DYNLT1: variants seen among roughly 807,000 people sequenced by gnomAD.
The protein encoded by DYNLT1 is T-complex testis-specific protein 1 homolog.
A neutral mutation model predicts 19.6 loss-of-function variants in DYNLT1; 18 were observed. The observed-to-expected ratio is 0.92, with a 90% confidence interval of 0.64 to 1.36. The LOEUF (loss-of-function observed/expected upper bound fraction) is 1.36. DYNLT1 is among the 40% of genes most tolerant of loss of function. The pLI, the probability that DYNLT1 is intolerant of heterozygous loss-of-function variation, is 0.00. For missense variants in DYNLT1, 137 were observed against 139.3 expected (o/e 0.98, Z 0.08); for synonymous variants, 56 against 44.0 (o/e 1.27, Z -1.07).
chr6:158,638,555 G>GT (rs1416650047), intron 2 of DYNLT1, among the ~76,000 whole-genome samples: 6 of 151,846 alleles, frequency 4.0e-5, no homozygotes, highest in African/African-American at 1.2e-4. Flanking sequence ...TTCCCTCCTG[G>GT]GCTCAAGCAA....
rs74452777 is a variant in DYNLT1 at position 158,641,972 on chromosome 6, A to G, written c.28-612T>C. The G allele has an allele frequency of 2.0e-5, 3 of 152,366 alleles. No homozygotes were observed. In the East Asian group the frequency reaches 5.8e-4, roughly 29 times the overall value. 9.4% of individuals were successfully genotyped at this position (152,366 alleles called of 1,614,324 possible). ...GGCTGCTAGAATCATTAACCAATAG[A>G]GAGGCTTAATGAGTTGGTTGATTTT... On this transcript the variant is annotated intron_variant, in intron 1 of 4. Coordinates refer to ENST00000367089, the MANE Select transcript of DYNLT1 (RefSeq NM_006519.4).
At chr6:158,638,891 T>G in intron 2 of DYNLT1, among the ~76,000 whole-genome samples, 1 of 152,222 alleles carries the variant, frequency 6.6e-6, no homozygotes, top group East Asian at 1.9e-4. Flanking sequence ...TTTCTGAGTT[T>G]TTCATTGTCA....
At position 158,637,623 on chromosome 6, in the gene DYNLT1, CGCTAACGTATACT is replaced by C. The variant is rs533159087; in HGVS notation, c.193+135_193+147del. ...ACCAGCAGCCAAATGGTCAAGCGTA[CGCTAACGTATACT>C]ACACACACGACCGACTCCCACCAGG... On this transcript the variant is annotated intron_variant, in intron 3 of 4. Coordinates refer to ENST00000367089, the MANE Select transcript of DYNLT1 (RefSeq NM_006519.4). 120 of 1,238,762 alleles carry C rather than the reference CGCTAACGTATACT, an allele frequency of 9.7e-5. No individual in the cohort carries two copies. In the East Asian group the frequency reaches 1.7e-3, roughly 18 times the overall value. The allele number at this position is 1,238,762 out of a possible 1,614,324, so 76.7% of individuals were successfully genotyped here.
Position 158,644,725 on chromosome 6 carries a change from C to CT in DYNLT1, c.-18_-17insA. 15 of 1,610,764 alleles carry CT rather than the reference C, an allele frequency of 9.3e-6. No homozygotes were observed. The highest frequency in any genetic ancestry group is 1.3e-5 in the African/African-American group (1 of 75,030). On this transcript the variant is annotated 5_prime_UTR_variant, in exon 1 of 5. Transcript: ENST00000367089. ...GTCTTCCATCTTTCCTCCGGCGCGTCCCCTCCGGCTCCCTGAGTGGCGCGG... is the reference window on the plus strand; with the variant it reads ...GTCTTCCATCTTTCCTCCGGCGCGTCTCCCTCCGGCTCCCTGAGTGGCGCGG...
In DYNLT1 at chr6:158,637,757, CAA is replaced by C. The variant is rs1257606628; in HGVS notation, c.193+12_193+13del. 6 of 1,614,012 alleles carry C rather than the reference CAA, an allele frequency of 3.7e-6. No homozygotes were observed. The highest frequency in any genetic ancestry group is 5.1e-6 in the Non-Finnish European group (6 of 1,180,018). On this transcript the variant is annotated intron_variant, in intron 3 of 4. Transcript: ENST00000367089. The stretch of plus-strand genomic sequence containing the variant: ...AACCATCCCGCAAATATAAAAGAAA[CAA>C]GACTCCATTACCGATGTATTTAAAT...
chr6:158,640,566 C>A (rs1206767872), intron 2 of DYNLT1, among the ~76,000 whole-genome samples: 1 of 152,156 alleles, frequency 6.6e-6, no homozygotes, highest in Non-Finnish European at 1.5e-5. Context: ...ACTGCCCCCA[C>A]TTCCCAGTCT....
At chr6:158,641,445 A>T (rs1787132717) in intron 1 of DYNLT1, 85 bp from the exon 2 acceptor site, 1 of 1,222,460 alleles carries the variant, frequency 8.2e-7, no homozygotes, top group Non-Finnish European at 1.1e-6. Flanking sequence ...GGTAATGAAC[A>T]TAATGTAGAA....
chr6:158,641,515 G>A (rs1193687043), intron 1 of DYNLT1, 155 bp from the exon 2 acceptor site: 2 of 511,628 alleles, frequency 3.9e-6, no homozygotes, highest in Non-Finnish European at 6.7e-6. Flanking sequence ...TGGCATTACA[G>A]TCTTCAGAAA....
rs548180101 is a variant in DYNLT1 at position 158,636,774 on chromosome 6, G to A, written c.*53C>T. ...GAGTTCACTGAATTCATGGCTGGTG[G>A]TTAGAGGATGAACTAGAGACAAAAG... is the stretch of plus-strand genomic sequence containing the variant. On this transcript the variant is annotated 3_prime_UTR_variant, in exon 5 of 5. Coordinates refer to ENST00000367089, the MANE Select transcript of DYNLT1 (RefSeq NM_006519.4). 5 of 1,541,360 alleles carry A rather than the reference G, an allele frequency of 3.2e-6. No homozygotes were observed. In the Admixed American group the frequency reaches 7.4e-5, roughly 23 times the overall value.
At chr6:158,639,077 G>C (rs2128337256) in intron 2 of DYNLT1, among the ~76,000 whole-genome samples, 1 of 152,310 alleles carries the variant, frequency 6.6e-6, no homozygotes, top group Non-Finnish European at 1.5e-5. Context: ...GAGCAAACCA[G>C]CAGTCCAGGG....
chr6:158,637,718 G>T, intron 3 of DYNLT1, 53 bp downstream of exon 3: 2 of 1,613,708 alleles, frequency 1.2e-6, no homozygotes, highest in South Asian at 2.2e-5. Context: ...ATGCCCCTCT[G>T]ATCAGTGTTA....
In DYNLT1 at chr6:158,644,647, G is replaced by A. The variant is rs187480850; in HGVS notation, c.27+35C>T. 315 of 1,611,110 alleles carry A rather than the reference G, an allele frequency of 2.0e-4. No homozygotes were observed. In the East Asian group the frequency reaches 6.4e-3, roughly 33 times the overall value. On this transcript the variant is annotated intron_variant, in intron 1 of 4. Coordinates refer to ENST00000367089, the MANE Select transcript of DYNLT1 (RefSeq NM_006519.4). Reference sequence around the variant, plus strand: ...GTGTCCTTCCGCGGCCAGGGCTCTAGGCCTCCACCCTTCCGTCGCCGACCC... The same window carrying A: ...GTGTCCTTCCGCGGCCAGGGCTCTAAGCCTCCACCCTTCCGTCGCCGACCC...
At chr6:158,644,631 C>G (rs752388760) in intron 1 of DYNLT1, 51 bp downstream of exon 1, 2 of 1,608,160 alleles carry the variant, frequency 1.2e-6, no homozygotes, top group Admixed American at 1.7e-5. Context: ...CGTGTCCTTC[C>G]GCGGCCAGGG....
At chr6:158,636,982 CCATCT>C in intron 4 of DYNLT1, 85 bp from the exon 5 acceptor site, 2 of 1,545,552 alleles carry the variant, frequency 1.3e-6, no homozygotes, top group Non-Finnish European at 8.9e-7. Flanking sequence ...ATTCAAGTAC[CCATCT>C]CTATGCTACA....
Position 158,636,651 on chromosome 6 carries a change from A to C in DYNLT1, c.*176T>G. ...CGCAGGCTGCAGGTGACCTACAGGG[A>C]TACTCATCTGACTTCGGTGCCATTC... is the stretch of plus-strand genomic sequence containing the variant. On this transcript the variant is annotated 3_prime_UTR_variant, in exon 5 of 5. Transcript: ENST00000367089. 1.6e-6 allele frequency: 1 copy of C among 630,168 alleles called. No individual in the cohort carries two copies. Among genetic ancestry groups the C allele is most frequent in the Non-Finnish European group, 2.7e-6 (1 of 366,056 alleles). The allele number at this position is 630,168 out of a possible 1,614,324, so 39.0% of individuals were successfully genotyped here.
chr6:158,644,393 G>A (rs1237017029), intron 1 of DYNLT1, among the ~76,000 whole-genome samples: 1 of 152,152 alleles, frequency 6.6e-6, no homozygotes, highest in African/African-American at 2.4e-5. Flanking sequence ...CTGCGGGAAG[G>A]TTTCTCGGCA....
At chr6:158,644,448 C>T (rs1787290350) in intron 1 of DYNLT1, among the ~76,000 whole-genome samples, 1 of 152,174 alleles carries the variant, frequency 6.6e-6, no homozygotes, top group African/African-American at 2.4e-5. Context: ...GGTGCCTCCC[C>T]GCGCGGGAAG....
intron 3 of DYNLT1, 195 bp downstream of exon 3, chr6:158,637,576 T>C: frequency 2.5e-6 from 2 of 800,484 alleles, no homozygotes; most frequent in Non-Finnish European, 4.1e-6. Flanking sequence ...AAGATCCCGC[T>C]TCACATACGA....
intron 3 of DYNLT1, 45 bp from the exon 4 acceptor site, chr6:158,637,250 A>G (rs749774745): frequency 6.4e-7 from 1 of 1,560,716 alleles, no homozygotes; most frequent in Non-Finnish European, 8.8e-7. Context: ...ACTGGGTAAC[A>G]CAAATGTCAT....
Sources: gnomAD v4.1 joint callset for allele counts (sites outside exome capture counted in the v4.1 genomes callset) on GRCh38, gnomAD v4.1.1 for gene constraint, MANE v1.5 for transcripts, NCBI Gene and HGNC (gene_info 2026-07-23, HGNC 2026-07-21) for gene names.